Variants in HSP90AB1 observed in about 807,000 individuals in gnomAD.
HSP90AB1 encodes the protein heat shock protein 90 alpha family class B member 1.
HSP90AB1 carries 17 observed loss-of-function variants against 67.8 expected under a neutral mutation model. The ratio of observed to expected loss-of-function variants is 0.25; its 90% CI spans 0.17 to 0.38. The LOEUF (loss-of-function observed/expected upper bound fraction) is 0.38. Ranked by LOEUF, HSP90AB1 falls within the 10% of genes least tolerant of loss-of-function variation. The pLI is 1.00. For missense variants in HSP90AB1, 690 were observed against 899.9 expected (o/e 0.77, Z 2.98); for synonymous variants, 390 against 312.9 (o/e 1.25, Z -2.60).
chr6:44,247,717 A>G (rs2153316611), intron 1 of HSP90AB1: 1 of 151,480 alleles, frequency 6.6e-6, no homozygotes, highest in South Asian at 2.1e-4. Context: ...AGCACCCGAT[A>G]CTCCCTCCTT....
chr6:44,247,376 C>G (rs1582978905), intron 1 of HSP90AB1, among the ~76,000 whole-genome samples, 181 bp downstream of exon 1: 1 of 151,664 alleles, frequency 6.6e-6, no homozygotes. Context: ...CCTCGGTTTT[C>G]TCTAGTGTGT....
At chr6:44,246,847 C>T (rs1385438469), upstream of HSP90AB1, among the ~76,000 whole-genome samples, 2 of 152,196 alleles carry the variant, frequency 1.3e-5, no homozygotes, top group Non-Finnish European at 2.9e-5. Context: ...AATGAGCACT[C>T]CTCATCCCCG....
rs1252386472 is a variant in HSP90AB1 at position 44,248,570 on chromosome 6, T to C, written c.1-60T>C. 2.6e-5 allele frequency: 39 copies of C among 1,516,034 alleles called. 1 individual carries two copies. In the South Asian group the frequency reaches 3.1e-4, roughly 12 times the overall value. The allele number at this position is 1,516,034 out of a possible 1,614,324, so 93.9% of individuals were successfully genotyped here. ...AGGTCCTAACAAATGATATGACCTT[T>C]AGGATTTTTAAACATGGGGCCTTAG... is the stretch of plus-strand genomic sequence containing the variant. On this transcript the variant is annotated intron_variant, in intron 1 of 11. Transcript: ENST00000371646.
chr6:44,251,733 CA>C lies in HSP90AB1; in HGVS notation c.1315-2del, dbSNP rs776930746. ...GATTGTTTTTCCTCTTCCCACCCTT[CA>C]AGCTTGGAATCCACGAAGACTCCAC... is the stretch of plus-strand genomic sequence containing the variant. On this transcript the variant is annotated splice_polypyrimidine_tract_variant and splice_region_variant and intron_variant, in intron 8 of 11. Coordinates refer to ENST00000371646, the MANE Select transcript of HSP90AB1 (RefSeq NM_007355.4). The C allele has an allele frequency of 6.2e-7, 1 of 1,612,574 alleles. No homozygotes were observed. The highest frequency in any genetic ancestry group is 1.1e-5 in the South Asian group (1 of 90,792).
rs1186326581 is a variant in HSP90AB1, at chr6:44,250,437, G to C, written c.795G>C (p.Lys265Asn). The change falls in exon 6 of 12, where the codon AAG becomes AAC. Residue 265 changes from lysine to asparagine, a missense_variant. This residue lies in a region of HSP90AB1 where 146 missense variants were observed against 143.7 expected (regional missense o/e 1.02). Coordinates refer to ENST00000371646, the MANE Select transcript of HSP90AB1 (RefSeq NM_007355.4). ...SDEEDDSGKD[K>N]KKKTKKIKEK... is the part of the protein sequence containing the mutation. The stretch of plus-strand genomic sequence containing the variant: ...AGGAGGATGACAGCGGTAAGGATAA[G>C]AAGAAGAAAACTAAGAAGATCAAAG... 6.2e-7 allele frequency: 1 copy of C among 1,613,854 alleles called. No individual in the cohort carries two copies. Among genetic ancestry groups the C allele is most frequent in the Admixed American group, 1.7e-5 (1 of 59,986 alleles).
Position 44,253,571 on chromosome 6 carries a change from T to C in HSP90AB1, c.2148T>C (p.Asp716=). ...DEIPPLEGDE[D]ASRMEEVD ...TCCCCCCTCTCGAGGGCGATGAGGA[T>C]GCGTCTCGCATGGAAGAAGTCGATT... Residue 716 remains aspartate, a synonymous_variant, in exon 12 of 12, where the codon GAT becomes GAC. Coordinates refer to ENST00000371646, the MANE Select transcript of HSP90AB1 (RefSeq NM_007355.4). 1 of 1,614,066 alleles carries C rather than the reference T, an allele frequency of 6.2e-7. No individual in the cohort carries two copies. The highest frequency in any genetic ancestry group is 1.1e-5 in the South Asian group (1 of 91,082).
chr6:44,249,970 C>G, intron 4 of HSP90AB1, 51 bp from the exon 5 acceptor site: 2 of 1,608,084 alleles, frequency 1.2e-6, no homozygotes, highest in Non-Finnish European at 1.7e-6. Flanking sequence ...TTGCTGGTCT[C>G]AACTGCATAT....
chr6:44,253,734 G>A lies in HSP90AB1; in HGVS notation c.*136G>A. 1.3e-6 allele frequency: 1 copy of A among 787,172 alleles called. No homozygotes were observed. Among genetic ancestry groups the A allele is most frequent in the Non-Finnish European group, 2.4e-6 (1 of 424,922 alleles). 48.8% of individuals were successfully genotyped at this position (787,172 alleles called of 1,614,324 possible). A position where few individuals can be genotyped will look rare whatever the true frequency, so the allele number is the denominator to read the frequency against. ...GTTTTTTTCCCTCTCCTGTCCTTGT[G>A]TTGAAGGCAGTAAACTAAGGGTGTC... On this transcript the variant is annotated 3_prime_UTR_variant, in exon 12 of 12. Transcript: ENST00000371646.
At chr6:44,251,300 C>T in intron 7 of HSP90AB1, 87 bp downstream of exon 7, 1 of 1,546,322 alleles carries the variant, frequency 6.5e-7, no homozygotes, top group Non-Finnish European at 8.9e-7. Flanking sequence ...TAACAGTTTT[C>T]TGCAATACAT....
chr6:44,253,662 G>T lies in HSP90AB1; in HGVS notation c.*64G>T. ...AGTGTCCCCATGGGCTCCCACTGCA[G>T]CCTCGAGTGCCCCTGTCCCACCTGG... is the stretch of plus-strand genomic sequence containing the variant. On this transcript the variant is annotated 3_prime_UTR_variant, in exon 12 of 12. Coordinates refer to ENST00000371646, the MANE Select transcript of HSP90AB1 (RefSeq NM_007355.4). 8.3e-7 allele frequency: 1 copy of T among 1,206,890 alleles called. No individual in the cohort carries two copies. The highest frequency in any genetic ancestry group is 1.7e-5 in the Admixed American group (1 of 59,378). 74.8% of individuals were successfully genotyped at this position (1,206,890 alleles called of 1,614,324 possible).
chr6:44,250,062 A>C lies in HSP90AB1; in HGVS notation c.556A>C (p.Lys186Gln). Residue 186 changes from lysine (K) to glutamine (Q), a missense_variant, in exon 5 of 12, where the codon AAA becomes CAA. This residue lies in a region of HSP90AB1 where 146 missense variants were observed against 143.7 expected (regional missense o/e 1.02). Coordinates refer to ENST00000371646, the MANE Select transcript of HSP90AB1 (RefSeq NM_007355.4). ...GGGTACCAAAGTGATCCTCCATCTT[A>C]AAGAAGATCAGACAGAGTACCTAGA... is the stretch of plus-strand genomic sequence containing the variant. ...GRGTKVILHL[K>Q]EDQTEYLEER... 1 of 1,614,156 alleles carries C rather than the reference A, an allele frequency of 6.2e-7. No homozygotes were observed. The highest frequency in any genetic ancestry group is 8.5e-7 in the Non-Finnish European group (1 of 1,179,978).
In HSP90AB1 at chr6:44,249,815, C is replaced by T. The variant is rs775772305; in HGVS notation, c.495C>T (p.Phe165=). ...GGGAGTCTTCTGCTGGAGGTTCCTTCACTGTGCGTGCTGACCATGGTAAGT... is the reference window on the plus strand; with the variant it reads ...GGGAGTCTTCTGCTGGAGGTTCCTTTACTGTGCGTGCTGACCATGGTAAGT... ...YAWESSAGGS[F]TVRADHGEPI... is the part of the protein sequence containing the mutation. Residue 165 remains phenylalanine, a synonymous_variant, in exon 4 of 12, where the codon TTC becomes TTT. Coordinates refer to ENST00000371646, the MANE Select transcript of HSP90AB1 (RefSeq NM_007355.4). 5.6e-6 allele frequency: 9 copies of T among 1,611,648 alleles called. No individual in the cohort carries two copies. Among genetic ancestry groups the T allele is most frequent in the Admixed American group, 5.0e-5 (3 of 59,658 alleles).
At chr6:44,248,910 G>A (rs1780305642) in intron 2 of HSP90AB1, 134 bp downstream of exon 2, 1 of 804,748 alleles carries the variant, frequency 1.2e-6, no homozygotes, top group African/African-American at 1.7e-5. Context: ...AAAAAGATGG[G>A]TTTTACTCTG....
Position 44,250,464 on chromosome 6 carries a change from G to A in HSP90AB1, c.822G>A (p.Glu274=). ...AGAAGAAAACTAAGAAGATCAAAGAGAAATACATTGATCAGGAAGAACTAA... is the reference window on the plus strand; with the variant it reads ...AGAAGAAAACTAAGAAGATCAAAGAAAAATACATTGATCAGGAAGAACTAA... ...DKKKKTKKIK[E]KYIDQEELNK... is the part of the protein sequence containing the mutation. Residue 274 remains glutamate, a synonymous_variant, in exon 6 of 12, where the codon GAG becomes GAA. Coordinates refer to ENST00000371646, the MANE Select transcript of HSP90AB1 (RefSeq NM_007355.4). The A allele has an allele frequency of 6.2e-7, 1 of 1,612,666 alleles. No homozygotes were observed. The highest frequency in any genetic ancestry group is 8.5e-7 in the Non-Finnish European group (1 of 1,178,632).
intron 8 of HSP90AB1, 44 bp downstream of exon 8, chr6:44,251,652 T>TA: frequency 6.3e-7 from 1 of 1,586,584 alleles, no homozygotes; most frequent in Non-Finnish European, 8.6e-7. Flanking sequence ...ACTTTCTTAG[T>TA]AATAACAATA....
At chr6:44,249,613 A>G in intron 3 of HSP90AB1, 30 bp downstream of exon 3, 2 of 1,611,194 alleles carry the variant, frequency 1.2e-6, no homozygotes, top group Non-Finnish European at 8.5e-7. Flanking sequence ...ATTCATACTT[A>G]TCTGTGTTCT....
chr6:44,247,624 T>C (rs190972008), intron 1 of HSP90AB1, among the ~76,000 whole-genome samples: 37 of 152,232 alleles, frequency 2.4e-4, no homozygotes, highest in Admixed American at 5.9e-4. Context: ...ACCTCTCTTA[T>C]CGGACGCGTT....
At position 44,250,161 on chromosome 6, in the gene HSP90AB1, A is replaced by T. The variant is rs34854935; in HGVS notation, c.648+7A>T. On this transcript the variant is annotated splice_region_variant and intron_variant, in intron 5 of 11. Coordinates refer to ENST00000371646, the MANE Select transcript of HSP90AB1 (RefSeq NM_007355.4). Reference sequence around the variant, plus strand: ...CTATCCCATCACCCTTTATGTGAGTATGGACTTTTAAATCTTTTACACTTA... The same window carrying T: ...CTATCCCATCACCCTTTATGTGAGTTTGGACTTTTAAATCTTTTACACTTA... The T allele has an allele frequency of 5.6e-6, 9 of 1,614,172 alleles. No individual in the cohort carries two copies. Among genetic ancestry groups the T allele is most frequent in the Non-Finnish European group, 7.6e-6 (9 of 1,180,010 alleles).
chr6:44,251,357 C>G (rs554368007), intron 7 of HSP90AB1, 61 bp from the exon 8 acceptor site: 2 of 1,551,252 alleles, frequency 1.3e-6, no homozygotes, highest in Admixed American at 1.8e-5. Context: ...CTGTTTGAAT[C>G]TGGGGACCAG....
Sources: gnomAD v4.1 joint callset for allele counts (sites outside exome capture counted in the v4.1 genomes callset) on GRCh38, gnomAD v4.1.1 for gene constraint, gnomAD v4.1.1 regional missense constraint, MANE v1.5 for transcripts, NCBI Gene and HGNC (gene_info 2026-07-23, HGNC 2026-07-21) for gene names.